Variants in SBNO1 observed in about 807,000 individuals in gnomAD.
SBNO1 encodes the protein strawberry notch homolog 1.
Under a neutral mutation model 173.6 loss-of-function variants are expected in SBNO1, and 23 were observed. That is an observed-to-expected ratio of 0.13 (90% CI 0.10 to 0.19). SBNO1 has a LOEUF of 0.19. Among genes scored for constraint, SBNO1 ranks in the 10% least tolerant of loss-of-function variants. The probability of loss-of-function intolerance (pLI) is 1.00; values close to 1 mark genes in which losing one functional copy is unlikely to be tolerated. For synonymous variants in SBNO1, 632 were observed against 571.5 expected, an observed-to-expected ratio of 1.11 and a Z score of -1.51; for missense variants, 1,238 against 1,671.2, an observed-to-expected ratio of 0.74 and a Z score of 4.52.
chr12:123,331,924 C>T (rs1871262431), intron 7 of SBNO1, among the ~76,000 whole-genome samples: 1 of 152,160 alleles, frequency 6.6e-6, no homozygotes, highest in Non-Finnish European at 1.5e-5. Context: ...ACAATCTCGG[C>T]TCACTGCAAC....
At chr12:123,364,012 G>A (rs1875749732) in intron 1 of SBNO1, 1 of 985,520 alleles carries the variant, frequency 1.0e-6, no homozygotes, top group South Asian at 4.7e-5. Flanking sequence ...CTCAAAGTAA[G>A]CAAATCCCCA....
chr12:123,338,448 C>T (rs1271167904), intron 5 of SBNO1, among the ~76,000 whole-genome samples: 3 of 151,520 alleles, frequency 2.0e-5, no homozygotes, highest in African/African-American at 4.9e-5. Context: ...TTTGGGAGGC[C>T]GAGGCGGGTG....
intron 5 of SBNO1, among the ~76,000 whole-genome samples, chr12:123,339,194 G>C (rs533772014): frequency 6.6e-6 from 1 of 152,132 alleles, no homozygotes; most frequent in South Asian, 2.1e-4. Flanking sequence ...ACAGTTTGCT[G>C]CACTGTCTCC....
At chr12:123,307,612 A>G (rs1344310836) in intron 28 of SBNO1, among the ~76,000 whole-genome samples, 1 of 152,152 alleles carries the variant, frequency 6.6e-6, no homozygotes, top group Non-Finnish European at 1.5e-5. Flanking sequence ...AACCAATGAA[A>G]TATTACTCAG....
chr12:123,327,286 G>T (rs1056110391), intron 13 of SBNO1, 140 bp downstream of exon 13: 4 of 711,570 alleles, frequency 5.6e-6, no homozygotes, highest in Non-Finnish European at 9.3e-6. Context: ...GCTGAGGCAT[G>T]AGACACCGTG....
chr12:123,301,209 T>C (rs2048781414), intron 30 of SBNO1, among the ~76,000 whole-genome samples: 1 of 152,112 alleles, frequency 6.6e-6, no homozygotes. Context: ...GGTTTCACCA[T>C]GTTGGCCAGG....
intron 21 of SBNO1, 97 bp downstream of exon 21, chr12:123,317,124 C>T (rs964318852): frequency 2.2e-5 from 28 of 1,283,216 alleles, no homozygotes; most frequent in Non-Finnish European, 2.8e-5. Flanking sequence ...AGGCGTGAGC[C>T]TCTGTGCCCG....
intron 9 of SBNO1, 136 bp from the exon 10 acceptor site, chr12:123,329,031 G>A (rs1266148754): frequency 2.1e-5 from 11 of 532,950 alleles, no homozygotes; most frequent in Non-Finnish European, 2.6e-5. Flanking sequence ...GTACAGAGAC[G>A]CAAATTTATT....
At position 123,297,342 on chromosome 12, in the gene SBNO1, A is replaced by T. The variant is rs1234684750; in HGVS notation, c.4039+636T>A. ...GAGACTCAGTCTCAAAAAAAAAAAA[A>T]AAAAAAAAAATTCATTAATTCAAAT... On this transcript the variant is annotated intron_variant, in intron 31 of 31. Transcript: ENST00000602398. Among the ~76,000 whole-genome samples, 220 of 134,290 alleles carry T rather than the reference A, an allele frequency of 1.6e-3. 1 individual carries two copies. The highest frequency in any genetic ancestry group is 5.6e-3 in the African/African-American group (208 of 37,296). The allele number at this position is 134,290 out of a possible 152,430, so 88.1% of individuals were successfully genotyped here.
chr12:123,310,079 C>T (rs2049015157), intron 25 of SBNO1, among the ~76,000 whole-genome samples: 1 of 152,164 alleles, frequency 6.6e-6, no homozygotes, highest in Non-Finnish European at 1.5e-5. Flanking sequence ...TTTGCATCTT[C>T]AGCCTCACTT....
At chr12:123,352,350 T>C (rs1207182394) in intron 1 of SBNO1, among the ~76,000 whole-genome samples, 1 of 152,228 alleles carries the variant, frequency 6.6e-6, no homozygotes, top group Non-Finnish European at 1.5e-5. Flanking sequence ...TCGCTCTTGT[T>C]GCCCAAGGTG....
At chr12:123,347,693 TA>T (rs1390590053) in intron 3 of SBNO1, among the ~76,000 whole-genome samples, 1 of 151,946 alleles carries the variant, frequency 6.6e-6, no homozygotes, top group African/African-American at 2.4e-5. Flanking sequence ...CACACCAAGC[TA>T]ATTTTTGTAT....
rs566837031 is a variant in SBNO1 at position 123,293,279 on chromosome 12, G to A, written c.*2629C>T. The A allele has an allele frequency of 6.6e-6, 1 of 152,312 alleles. No individual in the cohort carries two copies. The highest frequency in any genetic ancestry group is 2.1e-4 in the South Asian group (1 of 4,824). 9.4% of individuals were successfully genotyped at this position (152,312 alleles called of 1,614,324 possible). On this transcript the variant is annotated 3_prime_UTR_variant, in exon 32 of 32. Coordinates refer to ENST00000602398, the MANE Select transcript of SBNO1 (RefSeq NM_001167856.3). ...GGGTTTTGCCATGTGGACCAGGCTGGTCTCGAACTCCTGGCCTCAAGTGAT... is the reference window on the plus strand; with the variant it reads ...GGGTTTTGCCATGTGGACCAGGCTGATCTCGAACTCCTGGCCTCAAGTGAT...
chr12:123,364,819 T>C lies in SBNO1; in HGVS notation c.-119A>G. The C allele has an allele frequency of 1.0e-6, 1 of 971,968 alleles. No individual in the cohort carries two copies. 60.2% of individuals were successfully genotyped at this position (971,968 alleles called of 1,614,324 possible). On this transcript the variant is annotated 5_prime_UTR_variant, in exon 1 of 32. An upstream open reading frame in the 5' UTR loses its in-frame stop. Coordinates refer to ENST00000602398, the MANE Select transcript of SBNO1 (RefSeq NM_001167856.3). The stretch of plus-strand genomic sequence containing the variant: ...GGCAGCAGCGGCGTCCTGCTCTGCC[T>C]ACCTCCCCGCCGCCATCTTGACGCC...
At chr12:123,360,474 T>C (rs936531854) in intron 1 of SBNO1, among the ~76,000 whole-genome samples, 4 of 151,958 alleles carry the variant, frequency 2.6e-5, no homozygotes, top group African/African-American at 7.2e-5. Context: ...AGACAGAGTC[T>C]CGCTGTGTCG....
At chr12:123,313,594 T>C (rs982321694) in intron 24 of SBNO1, 26 bp downstream of exon 24, 2 of 1,155,590 alleles carry the variant, frequency 1.7e-6, no homozygotes, top group East Asian at 2.4e-5. Context: ...ATCATTGTCA[T>C]TGTTATGAAT....
chr12:123,321,498 T>C, intron 17 of SBNO1, 37 bp downstream of exon 17: 1 of 1,392,588 alleles, frequency 7.2e-7, no homozygotes, highest in Non-Finnish European at 1.0e-6. Context: ...ACTGAAATAT[T>C]ATATGCTTTC....
chr12:123,326,221 T>C lies in SBNO1; in HGVS notation c.1806A>G (p.Lys602=), dbSNP rs1487567146. ...QFWSAHQRFF[K]YLCIASKVKR... is the part of the protein sequence containing the mutation. ...TAACTTTGGATGCTATGCATAAGTA[T>C]TTGAAGAACCTCTGGTGAGCAGACC... The change falls in exon 14 of 32, where the codon AAA becomes AAG. Residue 602 remains lysine (K), a synonymous_variant. Transcript: ENST00000602398. 1.2e-6 allele frequency: 2 copies of C among 1,613,580 alleles called. No homozygotes were observed. Among genetic ancestry groups the C allele is most frequent in the African/African-American group, 2.7e-5 (2 of 74,916 alleles).
intron 17 of SBNO1, among the ~76,000 whole-genome samples, 177 bp from the exon 18 acceptor site, chr12:123,321,043 G>A (rs1290380256): frequency 6.6e-5 from 10 of 152,130 alleles, no homozygotes; most frequent in African/African-American, 1.7e-4. Flanking sequence ...GGGTTCAAGC[G>A]ATTCTCCTGC....
Sources: allele counts gnomAD v4.1 joint callset (sites outside exome capture counted in the v4.1 genomes callset), GRCh38; gene constraint gnomAD v4.1.1; transcripts MANE v1.5; gene names NCBI Gene and HGNC (gene_info 2026-07-23, HGNC 2026-07-21).